The following AGBL4 variants were observed in gnomAD, a reference collection of about 807,000 sequenced individuals.
AGBL4 encodes cytosolic carboxypeptidase 6.
AGBL4 carries 58 observed loss-of-function variants against 66.4 expected under a neutral mutation model. The observed-to-expected ratio is 0.87, with a 90% confidence interval of 0.71 to 1.09. The LOEUF (loss-of-function observed/expected upper bound fraction) is 1.09. AGBL4 is among the 50% of genes least tolerant of loss of function. The pLI is 0.00. For missense variants in AGBL4, 579 were observed against 631.0 expected (o/e 0.92, Z 0.88); for synonymous variants, 234 against 222.9 (o/e 1.05, Z -0.44).
At chr1:49,915,375 C>T (rs1651317635) in intron 1 of AGBL4, among the ~76,000 whole-genome samples, 1 of 152,172 alleles carries the variant, frequency 6.6e-6, no homozygotes, top group South Asian at 2.1e-4. Flanking sequence ...AAAACTGGGT[C>T]ACTCCCACCC....
intron 3 of AGBL4, among the ~76,000 whole-genome samples, chr1:49,265,923 T>C (rs1443529241): frequency 6.6e-6 from 1 of 152,156 alleles, no homozygotes; most frequent in Non-Finnish European, 1.5e-5. Flanking sequence ...CTAAGTCTCC[T>C]GCCCATGAAG....
At chr1:48,799,512 C>G (rs1009512569) in intron 6 of AGBL4, among the ~76,000 whole-genome samples, 3 of 152,126 alleles carry the variant, frequency 2.0e-5, no homozygotes, top group African/African-American at 7.2e-5. Context: ...ATTGCTCTGG[C>G]TGGGACTACT....
At chr1:48,868,505 G>A (rs1458198071) in intron 5 of AGBL4, among the ~76,000 whole-genome samples, 1 of 152,120 alleles carries the variant, frequency 6.6e-6, no homozygotes, top group African/African-American at 2.4e-5. Flanking sequence ...AAATGGCAGG[G>A]TCAGGATTAA....
At chr1:48,640,423 C>G (rs1209247415) in intron 8 of AGBL4, among the ~76,000 whole-genome samples, 1 of 152,096 alleles carries the variant, frequency 6.6e-6, no homozygotes, top group African/African-American at 2.4e-5. Flanking sequence ...AATGAGTGAA[C>G]AGATTAACAA....
At chr1:49,013,912 C>T (rs551341752) in intron 5 of AGBL4, among the ~76,000 whole-genome samples, 1 of 152,298 alleles carries the variant, frequency 6.6e-6, no homozygotes, top group East Asian at 1.9e-4. Flanking sequence ...CATTCTCTAG[C>T]AAGCCATTTC....
At chr1:49,090,657 C>T (rs1644986381) in intron 4 of AGBL4, among the ~76,000 whole-genome samples, 1 of 152,142 alleles carries the variant, frequency 6.6e-6, no homozygotes, top group African/African-American at 2.4e-5. Context: ...AGTGACCATA[C>T]TGCCCAAAGC....
chr1:49,235,858 C>G (rs1167079982), intron 4 of AGBL4, among the ~76,000 whole-genome samples: 3 of 152,060 alleles, frequency 2.0e-5, no homozygotes, highest in Admixed American at 1.3e-4. Context: ...GTTAAGTTAC[C>G]TTACTCCTGG....
At chr1:49,656,929 C>G (rs1435825814) in intron 3 of AGBL4, among the ~76,000 whole-genome samples, 4 of 152,168 alleles carry the variant, frequency 2.6e-5, no homozygotes. Context: ...TGGAAGCATT[C>G]CCTTTGAAAA....
intron 3 of AGBL4, among the ~76,000 whole-genome samples, chr1:49,603,571 T>C (rs12133460): frequency 0.096 from 13,002 of 134,774 alleles, 1,256 homozygotes; most frequent in African/African-American, 0.25. Context: ...AATAAATAAA[T>C]AAACAAATAA....
At chr1:49,490,963 A>G (rs897241641) in intron 3 of AGBL4, among the ~76,000 whole-genome samples, 3 of 151,744 alleles carry the variant, frequency 2.0e-5, no homozygotes, top group Non-Finnish European at 4.4e-5. Flanking sequence ...TTCCTCAGCT[A>G]GAAGAAAGAA....
At chr1:49,942,996 C>T (rs541053883) in intron 1 of AGBL4, among the ~76,000 whole-genome samples, 93 of 152,130 alleles carry the variant, frequency 6.1e-4, no homozygotes, top group African/African-American at 1.8e-3. Context: ...TCAAAATGAG[C>T]CAAGGACCTG....
At chr1:48,641,272 T>C (rs1220689875) in intron 8 of AGBL4, among the ~76,000 whole-genome samples, 1 of 152,198 alleles carries the variant, frequency 6.6e-6, no homozygotes, top group African/African-American at 2.4e-5. Flanking sequence ...TAATCTGTCA[T>C]CAACAGCCCC....
intron 1 of AGBL4, among the ~76,000 whole-genome samples, chr1:49,908,883 T>C (rs989177009): frequency 5.3e-5 from 8 of 152,214 alleles, no homozygotes; most frequent in Admixed American, 4.6e-4. Context: ...TAATAATACT[T>C]CATGAATGAA....
chr1:49,533,672 C>T (rs2148816440), intron 3 of AGBL4, among the ~76,000 whole-genome samples: 1 of 152,218 alleles, frequency 6.6e-6, no homozygotes, highest in South Asian at 2.1e-4. Flanking sequence ...CTATCACAAC[C>T]ATTTAATCAG....
chr1:48,918,172 C>T (rs1466232129), intron 5 of AGBL4, among the ~76,000 whole-genome samples: 1 of 152,202 alleles, frequency 6.6e-6, no homozygotes. Flanking sequence ...TGCTGACAAG[C>T]CTAGAGTTAA....
intron 1 of AGBL4, among the ~76,000 whole-genome samples, chr1:49,924,979 T>A (rs1158929482): frequency 1.3e-5 from 2 of 152,172 alleles, no homozygotes; most frequent in Non-Finnish European, 2.9e-5. Flanking sequence ...TAACTCCTAC[T>A]GCTGTGCTGG....
intron 11 of AGBL4, among the ~76,000 whole-genome samples, chr1:48,575,193 A>G (rs1644631424): frequency 3.3e-5 from 5 of 152,088 alleles, no homozygotes; most frequent in Non-Finnish European, 7.4e-5. Context: ...ATCTCACATC[A>G]AAATACTGTC....
intron 3 of AGBL4, among the ~76,000 whole-genome samples, chr1:49,420,554 A>G (rs1645522406): frequency 6.6e-6 from 1 of 152,084 alleles, no homozygotes; most frequent in Non-Finnish European, 1.5e-5. Flanking sequence ...CAAAAAAATT[A>G]GCCAGGCGTG....
chr1:49,485,637 A>T (rs960100885), intron 3 of AGBL4, among the ~76,000 whole-genome samples: 10 of 146,144 alleles, frequency 6.8e-5, no homozygotes, highest in African/African-American at 1.5e-4. Context: ...AGGTGAAATT[A>T]AAAAAAAAAA....
Sources: allele counts gnomAD v4.1 joint callset (sites outside exome capture counted in the v4.1 genomes callset), GRCh38; gene constraint gnomAD v4.1.1; transcripts MANE v1.5; gene names NCBI Gene and HGNC (gene_info 2026-07-23, HGNC 2026-07-21).